The following DPP10 variants were observed in gnomAD, a reference collection of about 807,000 sequenced individuals.
DPP10 encodes the protein dipeptidyl peptidase like 10, also known as inactive dipeptidyl peptidase 10.
In DPP10, 33 loss-of-function variants were observed where a neutral mutation model predicts 120.9. The ratio of observed to expected loss-of-function variants is 0.27; its 90% CI spans 0.21 to 0.37. DPP10 has a LOEUF of 0.37. Ranked by LOEUF, DPP10 falls within the 10% of genes least tolerant of loss-of-function variation. The pLI, the probability that DPP10 is intolerant of heterozygous loss-of-function variation, is 1.00. For synonymous variants in DPP10, 337 were observed against 326.1 expected (o/e 1.03, Z -0.36); for missense variants, 816 against 942.8 (o/e 0.87, Z 1.76).
At chr2:114,785,243 T>G (rs1682669045) in intron 1 of DPP10, among the ~76,000 whole-genome samples, 1 of 138,198 alleles carries the variant, frequency 7.2e-6, no homozygotes, top group South Asian at 2.4e-4. Context: ...AGGGCATGCT[T>G]TGCTGGATTT....
intron 1 of DPP10, among the ~76,000 whole-genome samples, chr2:114,815,709 C>G (rs1249790397): frequency 6.6e-6 from 1 of 152,112 alleles, no homozygotes; most frequent in Non-Finnish European, 1.5e-5. Context: ...TCAATTATGT[C>G]ACTGCTTTAT....
In DPP10 at chr2:114,842,044, A is replaced by G. The variant is rs10496478; in HGVS notation, c.60+399206A>G. ...ACCAGTTCTCTTTTGAATATAGAAG[A>G]AATCACCTTAATAATTATGTCTGGA... On this transcript the variant is annotated intron_variant, in intron 1 of 25. Transcript: ENST00000410059. Among the ~76,000 whole-genome samples the G allele has an allele frequency of 5.8e-3, 878 of 152,230 alleles. 7 individuals are homozygous for G. The highest frequency in any genetic ancestry group is 9.3e-3 in the Non-Finnish European group (631 of 67,994).
intron 1 of DPP10, among the ~76,000 whole-genome samples, chr2:114,817,847 G>A (rs1419010144): frequency 6.6e-6 from 1 of 152,154 alleles, no homozygotes; most frequent in Non-Finnish European, 1.5e-5. Flanking sequence ...TGTGAATGCA[G>A]CAGAAAATAA....
intron 5 of DPP10, chr2:115,579,593 A>G (rs901427749): frequency 8.5e-5 from 13 of 152,178 alleles, no homozygotes; most frequent in Non-Finnish European, 1.9e-4. Flanking sequence ...ATTTGCTCCT[A>G]TGTTTTTTAC....
chr2:114,567,476 A>G (rs928972718), intron 1 of DPP10, among the ~76,000 whole-genome samples: 7 of 152,176 alleles, frequency 4.6e-5, no homozygotes, highest in Non-Finnish European at 1.0e-4. Context: ...GAGAGGCTAC[A>G]TTGCTGATTT....
At chr2:115,285,288 A>G (rs1010248960) in intron 1 of DPP10, among the ~76,000 whole-genome samples, 3 of 151,996 alleles carry the variant, frequency 2.0e-5, no homozygotes, top group Non-Finnish European at 4.4e-5. Flanking sequence ...GCGAATTAAC[A>G]CTTGCTATTT....
At chr2:115,113,236 A>G (rs1350888053) in intron 1 of DPP10, among the ~76,000 whole-genome samples, 1 of 151,780 alleles carries the variant, frequency 6.6e-6, no homozygotes, top group Non-Finnish European at 1.5e-5. Flanking sequence ...TGTTATATAT[A>G]CCATATATTA....
At chr2:115,216,547 GCCGAGGCAGGTGGATCAC>G (rs1389707259) in intron 1 of DPP10, among the ~76,000 whole-genome samples, 1 of 152,148 alleles carries the variant, frequency 6.6e-6, no homozygotes. Context: ...ACTTTGGGAG[GCCGAGGCAGGTGGATCAC>G]CTGAGGCCAG....
chr2:115,318,842 A>G (rs531659903), intron 2 of DPP10, among the ~76,000 whole-genome samples: 5 of 152,258 alleles, frequency 3.3e-5, no homozygotes, highest in Non-Finnish European at 7.4e-5. Context: ...ATGTATGAGG[A>G]TCATGTCATG....
intron 7 of DPP10, among the ~76,000 whole-genome samples, chr2:115,721,163 T>A (rs2149610239): frequency 6.6e-6 from 1 of 152,310 alleles, no homozygotes; most frequent in South Asian, 2.1e-4. Flanking sequence ...GAATCATGAC[T>A]CCATTTTGCC....
chr2:114,511,389 C>A (rs1684135422), intron 1 of DPP10, among the ~76,000 whole-genome samples: 1 of 152,140 alleles, frequency 6.6e-6, no homozygotes, highest in Non-Finnish European at 1.5e-5. Flanking sequence ...CAGTGTTGTG[C>A]TAAATACAGA....
rs773752644 is a variant in DPP10 at position 115,092,446 on chromosome 2, G to GT, written c.61-216789dup. ...GCCTCTGTTCCCCATAAGCGTGTCT[G>GT]TTTTAACACTTATTTTTAATATATC... On this transcript the variant is annotated intron_variant, in intron 1 of 25. Transcript: ENST00000410059. Among the ~76,000 whole-genome samples, 9 of 152,212 alleles carry GT rather than the reference G, an allele frequency of 5.9e-5. No homozygotes were observed. In the East Asian group the frequency reaches 1.5e-3, roughly 26 times the overall value.
intron 1 of DPP10, among the ~76,000 whole-genome samples, chr2:114,589,976 T>C (rs1467195178): frequency 1.3e-5 from 2 of 152,130 alleles, no homozygotes; most frequent in Non-Finnish European, 2.9e-5. Context: ...GATTCAGATA[T>C]GACCCTAATT....
At chr2:114,611,757 A>G (rs754406658) in intron 1 of DPP10, among the ~76,000 whole-genome samples, 15 of 152,194 alleles carry the variant, frequency 9.9e-5, no homozygotes, top group Non-Finnish European at 2.1e-4. Flanking sequence ...ATCACCCAAG[A>G]TATTAATCAA....
chr2:115,368,597 A>G (rs1352525663), intron 3 of DPP10, among the ~76,000 whole-genome samples: 1 of 152,026 alleles, frequency 6.6e-6, no homozygotes, highest in Non-Finnish European at 1.5e-5. Context: ...TTCAAATTGA[A>G]AAATGAGAGG....
intron 1 of DPP10, among the ~76,000 whole-genome samples, chr2:115,109,625 A>G (rs2049118143): frequency 6.6e-6 from 1 of 152,224 alleles, no homozygotes; most frequent in Admixed American, 6.5e-5. Flanking sequence ...AGTTTAAAGA[A>G]TTGTAAGTTC....
intron 1 of DPP10, among the ~76,000 whole-genome samples, chr2:114,800,141 C>T (rs1038508194): frequency 8.6e-5 from 13 of 151,950 alleles, no homozygotes; most frequent in African/African-American, 2.2e-4. Context: ...TGGCTATACA[C>T]GATTAAATGG....
chr2:114,527,991 T>C (rs922686723), intron 1 of DPP10, among the ~76,000 whole-genome samples: 1 of 152,222 alleles, frequency 6.6e-6, no homozygotes, highest in Non-Finnish European at 1.5e-5. Context: ...ACATGACTGT[T>C]GTCTCACACA....
intron 1 of DPP10, among the ~76,000 whole-genome samples, chr2:114,491,997 T>C (rs1217257133): frequency 1.3e-5 from 2 of 152,152 alleles, no homozygotes; most frequent in East Asian, 3.9e-4. Context: ...AATGAATGAA[T>C]ATAAGCTTTT....
Sources: allele counts gnomAD v4.1 joint callset (sites outside exome capture counted in the v4.1 genomes callset), GRCh38; gene constraint gnomAD v4.1.1; transcripts MANE v1.5; gene names NCBI Gene and HGNC (gene_info 2026-07-23, HGNC 2026-07-21).